Variants in MORC4 observed in about 807,000 individuals in gnomAD.
MORC4 encodes the protein MORC family CW-type zinc finger 4, also known as MORC family CW-type zinc finger protein 4.
A neutral mutation model predicts 65.5 loss-of-function variants in MORC4; 22 were observed. The ratio of observed to expected loss-of-function variants is 0.34; its 90% CI spans 0.24 to 0.48. The LOEUF (loss-of-function observed/expected upper bound fraction) is 0.48, where lower values mean the gene tolerates loss of function less well. Ranked by LOEUF, MORC4 falls within the 20% of genes least tolerant of loss-of-function variation. The probability of loss-of-function intolerance (pLI) is 0.99; values close to 1 mark genes in which losing one functional copy is unlikely to be tolerated. For missense variants in MORC4, 624 were observed against 703.0 expected, an observed-to-expected ratio of 0.89 and a Z score of 1.27; for synonymous variants, 267 against 255.8, an observed-to-expected ratio of 1.04 and a Z score of -0.42.
At chrX:106,948,304 C>A (rs1933898125) in intron 14 of MORC4, among the ~76,000 whole-genome samples, 1 of 111,567 alleles carries the variant, frequency 9.0e-6, no homozygotes, top group African/African-American at 3.3e-5. Context: ...CATTTCCTTA[C>A]TCCAATGTAA....
intron 3 of MORC4, among the ~76,000 whole-genome samples, chrX:106,991,631 G>A (rs73533075): frequency 0.065 from 7,278 of 111,510 alleles, 632 homozygotes; most frequent in African/African-American, 0.23. Context: ...GGATGGGTGC[G>A]GTGGTTCACA....
chrX:106,968,858 C>T (rs892628281), intron 9 of MORC4, among the ~76,000 whole-genome samples: 1 of 110,478 alleles, frequency 9.1e-6, no homozygotes, highest in Non-Finnish European at 1.9e-5. Context: ...TACAAAGAGA[C>T]TTAGACTCCC....
intron 15 of MORC4, 87 bp from the exon 16 acceptor site, chrX:106,942,308 A>G: frequency 9.5e-7 from 1 of 1,054,614 alleles, no homozygotes; most frequent in Non-Finnish European, 1.3e-6. Flanking sequence ...TGATTCCACT[A>G]TACATATTCC....
chrX:106,959,722 T>C (rs1934190381), intron 10 of MORC4, among the ~76,000 whole-genome samples: 1 of 110,860 alleles, frequency 9.0e-6, no homozygotes, highest in African/African-American at 3.3e-5. Context: ...GTACTTTTGG[T>C]AGAGATGGGG....
chrX:106,946,639 A>G (rs1381458054), intron 14 of MORC4, among the ~76,000 whole-genome samples: 1 of 112,331 alleles, frequency 8.9e-6, no homozygotes, highest in Non-Finnish European at 1.9e-5. Flanking sequence ...TTTCTTGGGT[A>G]TAAACTTAGG....
At chrX:106,944,271 G>A (rs1354580405) in intron 14 of MORC4, among the ~76,000 whole-genome samples, 4 of 111,511 alleles carry the variant, frequency 3.6e-5, no homozygotes, top group East Asian at 2.8e-4. Context: ...AGATCTTGTC[G>A]TGTTAGCCTT....
intron 5 of MORC4, among the ~76,000 whole-genome samples, chrX:106,984,862 T>C (rs986432400): frequency 1.8e-5 from 2 of 110,056 alleles, no homozygotes; most frequent in Admixed American, 9.8e-5. Context: ...TAAATTACTC[T>C]AAAAAGAGTT....
chrX:106,999,760 G>A lies in MORC4; in HGVS notation c.103-11C>T. On this transcript the variant is annotated splice_polypyrimidine_tract_variant and intron_variant, in intron 1 of 16. Transcript: ENST00000355610. ...GTAGCGGGGGCTCATCTGGGGGCGAGAGAAGGTCCCGACCCGCGTGAGGCC... is the reference window on the plus strand; with the variant it reads ...GTAGCGGGGGCTCATCTGGGGGCGAAAGAAGGTCCCGACCCGCGTGAGGCC... 9.1e-7 allele frequency: 1 copy of A among 1,099,949 alleles called. No homozygotes were observed. The highest frequency in any genetic ancestry group is 2.3e-5 in the South Asian group (1 of 44,184). The allele number at this position is 1,099,949 out of a possible 1,213,427, so 90.6% of individuals were successfully genotyped here. A position where few individuals can be genotyped will look rare whatever the true frequency, so the allele number is the denominator to read the frequency against.
intron 14 of MORC4, among the ~76,000 whole-genome samples, chrX:106,945,964 A>G (rs1210207853): frequency 1.8e-5 from 2 of 111,953 alleles, no homozygotes; most frequent in Admixed American, 9.5e-5. Flanking sequence ...TCAAATTAAT[A>G]TATTTCATTT....
At chrX:106,958,275 T>A in intron 11 of MORC4, 61 bp downstream of exon 11, 2 of 1,077,885 alleles carry the variant, frequency 1.9e-6, no homozygotes, top group Non-Finnish European at 2.5e-6. Flanking sequence ...GAAAAATGTT[T>A]TAGACTATAG....
chrX:106,950,864 A>G (rs777269073), intron 14 of MORC4, among the ~76,000 whole-genome samples: 112 of 112,148 alleles, frequency 1.0e-3, no homozygotes, highest in Middle Eastern at 4.7e-3. Flanking sequence ...TAGTTTTCAT[A>G]AAATAGAGCT....
chrX:106,995,189 T>C (rs1328373750), intron 2 of MORC4, among the ~76,000 whole-genome samples: 1 of 107,385 alleles, frequency 9.3e-6, no homozygotes, highest in Non-Finnish European at 1.9e-5. Flanking sequence ...TTCCACTCTC[T>C]ACTTCTAAGC....
At chrX:106,968,251 C>A (rs959110775) in intron 9 of MORC4, among the ~76,000 whole-genome samples, 8 of 111,169 alleles carry the variant, frequency 7.2e-5, no homozygotes, top group Admixed American at 6.7e-4. Flanking sequence ...AAATCCTTTA[C>A]AGACAAGCAA....
At chrX:106,968,186 T>C (rs1000959357) in intron 9 of MORC4, among the ~76,000 whole-genome samples, 2 of 111,512 alleles carry the variant, frequency 1.8e-5, no homozygotes, top group Non-Finnish European at 3.8e-5. Flanking sequence ...AAAAGAATTT[T>C]CAAACGAGAA....
rs1933673516 is a variant in MORC4, at chrX:106,941,412, C to T, written c.*67G>A. The T allele has an allele frequency of 1.4e-5, 9 of 647,967 alleles. No individual in the cohort carries two copies. Among genetic ancestry groups the T allele is most frequent in the South Asian group, 3.7e-5 (1 of 26,838 alleles). The allele number at this position is 647,967 out of a possible 1,213,427, so 53.4% of individuals were successfully genotyped here. A position where few individuals can be genotyped will look rare whatever the true frequency, so the allele number is the denominator to read the frequency against. On this transcript the variant is annotated 3_prime_UTR_variant, in exon 17 of 17. Coordinates refer to ENST00000355610, the MANE Select transcript of MORC4 (RefSeq NM_024657.5). ...AGAGAGAGAGAGAGAGAGAGAGAGACGTGAGGGAGGGAGAGAAAAGAGAAC... is the reference window on the plus strand; with the variant it reads ...AGAGAGAGAGAGAGAGAGAGAGAGATGTGAGGGAGGGAGAGAAAAGAGAAC...
At chrX:106,947,405 C>T (rs1247138567) in intron 14 of MORC4, among the ~76,000 whole-genome samples, 2 of 106,784 alleles carry the variant, frequency 1.9e-5, no homozygotes, top group Admixed American at 1.0e-4. Flanking sequence ...TGTTGATCTT[C>T]CTAGTTGTTG....
intron 14 of MORC4, among the ~76,000 whole-genome samples, chrX:106,952,754 C>G (rs1286056428): frequency 8.9e-6 from 1 of 111,764 alleles, no homozygotes; most frequent in Non-Finnish European, 1.9e-5. Context: ...AGTTAGTAAG[C>G]TGAACTACAT....
intron 11 of MORC4, among the ~76,000 whole-genome samples, chrX:106,957,556 A>T (rs1178014631): frequency 4.5e-5 from 5 of 111,895 alleles, no homozygotes; most frequent in Non-Finnish European, 9.4e-5. Context: ...TGCCAGAAGA[A>T]TTTTAAGAAA....
intron 14 of MORC4, among the ~76,000 whole-genome samples, chrX:106,947,533 A>G (rs1255406920): frequency 2.3e-5 from 2 of 87,850 alleles, no homozygotes; most frequent in African/African-American, 8.4e-5. Context: ...GTAGTTAGGT[A>G]TATATATATA....
Sources: allele counts gnomAD v4.1 joint callset (sites outside exome capture counted in the v4.1 genomes callset), GRCh38; gene constraint gnomAD v4.1.1; transcripts MANE v1.5; gene names NCBI Gene and HGNC (gene_info 2026-07-23, HGNC 2026-07-21).